The following ALDH1L2 variants were observed in gnomAD, a reference collection of about 807,000 sequenced individuals.
ALDH1L2 encodes aldehyde dehydrogenase 1 family member L2, also known as mitochondrial 10-formyltetrahydrofolate dehydrogenase.
Under a neutral mutation model 111.0 loss-of-function variants are expected in ALDH1L2, and 91 were observed. The observed-to-expected ratio is 0.82, with a 90% confidence interval of 0.69 to 0.98. ALDH1L2 has a LOEUF of 0.98. Ranked by LOEUF, ALDH1L2 falls within the 50% of genes least tolerant of loss-of-function variation. The pLI, the probability that ALDH1L2 is intolerant of heterozygous loss-of-function variation, is 0.00. For missense variants in ALDH1L2, 995 were observed against 1,126.8 expected, an observed-to-expected ratio of 0.88 and a Z score of 1.67; for synonymous variants, 374 against 392.6, an observed-to-expected ratio of 0.95 and a Z score of 0.56.
chr12:105,040,321 C>T (rs1875456281), intron 16 of ALDH1L2, among the ~76,000 whole-genome samples: 1 of 151,930 alleles, frequency 6.6e-6, no homozygotes, highest in South Asian at 2.1e-4. Flanking sequence ...GATGGGTAAG[C>T]CTTGATTTTT....
intron 18 of ALDH1L2, 104 bp from the exon 19 acceptor site, chr12:105,034,502 A>G (rs1377370533): frequency 3.3e-6 from 3 of 919,188 alleles, no homozygotes; most frequent in Non-Finnish European, 5.0e-6. Flanking sequence ...GACAGCAGGC[A>G]ATATAGATAA....
chr12:105,040,611 GC>G lies in ALDH1L2; in HGVS notation c.1946del (p.Gly649AlafsTer5), dbSNP rs757963707. 6.2e-7 allele frequency: 1 copy of G among 1,614,054 alleles called. No homozygotes were observed. The highest frequency in any genetic ancestry group is 1.7e-5 in the Admixed American group (1 of 60,012). ...FPKGVINIIP[G>X]SGGIAGQRLS... is the part of the protein sequence containing the mutation. The stretch of plus-strand genomic sequence containing the variant: ...GTCGGTCATTTAGTGGCTTACCTGA[GC>G]CTGGAATGATGTTGATGACCCCCTT... On this transcript the variant is annotated frameshift_variant, in exon 16 of 23. Coordinates refer to ENST00000258494, the MANE Select transcript of ALDH1L2 (RefSeq NM_001034173.4). LOFTEE classifies it high-confidence loss of function.
In ALDH1L2 at chr12:105,039,882, G is replaced by A. The variant is rs562952049; in HGVS notation, c.1952-76C>T. 330 of 1,314,144 alleles carry A rather than the reference G, an allele frequency of 2.5e-4. 3 individuals carry two copies. The South Asian group carries it at 3.3e-3, about 13-fold the overall frequency. 81.4% of individuals were successfully genotyped at this position (1,314,144 alleles called of 1,614,324 possible). A position where few individuals can be genotyped will look rare whatever the true frequency, so the allele number is the denominator to read the frequency against. On this transcript the variant is annotated intron_variant, in intron 16 of 22. Coordinates refer to ENST00000258494, the MANE Select transcript of ALDH1L2 (RefSeq NM_001034173.4). The stretch of plus-strand genomic sequence containing the variant: ...GCGGTGGCTTACGCCTGTAATCCCC[G>A]CACTTTGGGAGGCTGAGGCAAGCAG...
In ALDH1L2 at chr12:105,030,409, C is replaced by T. The variant is rs949861021; in HGVS notation, c.2431G>A (p.Val811Met). Residue 811 changes from valine to methionine, a missense_variant, in exon 21 of 23, where the codon GTG becomes ATG. Coordinates refer to ENST00000258494, the MANE Select transcript of ALDH1L2 (RefSeq NM_001034173.4). ...QRPGFFMEPT[V>M]FTDVEDYMYL... The stretch of plus-strand genomic sequence containing the variant: ...ATGTAGTCTTCCACATCTGTGAACA[C>T]GGTCGGCTCCATGAAAAAGCCTTTT... 34 of 1,606,024 alleles carry T rather than the reference C, an allele frequency of 2.1e-5. No individual in the cohort carries two copies. The East Asian group carries it at 2.2e-4, about 11-fold the overall frequency.
At chr12:105,053,050 G>A (rs1185197978) in intron 10 of ALDH1L2, 119 bp from the exon 11 acceptor site, 8 of 1,259,960 alleles carry the variant, frequency 6.3e-6, no homozygotes, top group African/African-American at 2.9e-5. Flanking sequence ...TTCTAGTTCC[G>A]ACTGTACAGA....
intron 1 of ALDH1L2, among the ~76,000 whole-genome samples, chr12:105,076,856 A>G (rs1306261160): frequency 7.2e-5 from 11 of 152,242 alleles, no homozygotes; most frequent in Non-Finnish European, 1.3e-4. Context: ...AGTATTTATC[A>G]AATGCTTATT....
At chr12:105,028,269 C>A (rs558877178) in intron 21 of ALDH1L2, among the ~76,000 whole-genome samples, 1 of 152,298 alleles carries the variant, frequency 6.6e-6, no homozygotes, top group Admixed American at 6.5e-5. Flanking sequence ...TGCCACCACA[C>A]CCAGATAATT....
intron 18 of ALDH1L2, 143 bp downstream of exon 18, chr12:105,037,960 T>G: frequency 5.3e-6 from 3 of 561,092 alleles, no homozygotes; most frequent in Non-Finnish European, 6.2e-6. Context: ...AGAGACGGGG[T>G]TTCACCATGT....
intron 10 of ALDH1L2, 122 bp from the exon 11 acceptor site, chr12:105,053,053 T>C (rs11112347): frequency 0.44 from 522,973 of 1,188,702 alleles, 119,201 homozygotes; most frequent in Middle Eastern, 0.57. Flanking sequence ...TAGTTCCGAC[T>C]GTACAGAAGA....
chr12:105,079,211 C>CTGGAATAATG (rs1555228620), intron 1 of ALDH1L2, among the ~76,000 whole-genome samples: 5 of 152,148 alleles, frequency 3.3e-5, no homozygotes, highest in African/African-American at 1.2e-4. Context: ...AGGATATAGT[C>CTGGAATAATG]TGGAATAGTG....
chr12:105,036,292 ATTATATATATACGTATAT>A (rs1161677955), intron 18 of ALDH1L2, among the ~76,000 whole-genome samples: 8 of 67,204 alleles, frequency 1.2e-4, no homozygotes, highest in Non-Finnish European at 2.1e-4. Context: ...ATGTGTATAT[ATTATATATATACGTATAT>A]TTATATATGT....
chr12:105,030,510 A>G, intron 20 of ALDH1L2, 81 bp from the exon 21 acceptor site: 1 of 1,220,508 alleles, frequency 8.2e-7, no homozygotes, highest in Non-Finnish European at 1.1e-6. Flanking sequence ...TAATTACATT[A>G]TAATTTTTTC....
rs114840742 is a variant in ALDH1L2, at chr12:105,075,827, C to G, written c.49-1822G>C. Among the ~76,000 whole-genome samples, 677 of 152,142 alleles carry G rather than the reference C, an allele frequency of 4.4e-3. 9 individuals carry two copies. Among genetic ancestry groups the G allele is most frequent in the African/African-American group, 0.015 (638 of 41,490 alleles). On this transcript the variant is annotated intron_variant, in intron 1 of 22. Transcript: ENST00000258494. ...AGACAGGGTTTCACTCCATGGTCAC[C>G]CAGGCTGGAGTGAAGTGGTGCAATC...
chr12:105,069,159 G>A (rs111510406), intron 3 of ALDH1L2, among the ~76,000 whole-genome samples: 7 of 152,076 alleles, frequency 4.6e-5, no homozygotes, highest in Non-Finnish European at 8.8e-5. Flanking sequence ...AGAGTCTATC[G>A]TTACTACCAC....
Position 105,068,711 on chromosome 12 carries a change from A to G in ALDH1L2, c.594+8T>C. 1 of 1,471,570 alleles carries G rather than the reference A, an allele frequency of 6.8e-7. No individual in the cohort carries two copies. Among genetic ancestry groups the G allele is most frequent in the East Asian group, 2.5e-5 (1 of 39,718 alleles). The allele number at this position is 1,471,570 out of a possible 1,614,324, so 91.2% of individuals were successfully genotyped here. ...TTTACTAAATTCTGGGTGGCAAAAT[A>G]TACTAACCATGGCCTTGATTCCTTC... On this transcript the variant is annotated splice_region_variant and intron_variant, in intron 4 of 22. Coordinates refer to ENST00000258494, the MANE Select transcript of ALDH1L2 (RefSeq NM_001034173.4).
At chr12:105,066,012 C>G (rs1877331460) in intron 5 of ALDH1L2, among the ~76,000 whole-genome samples, 2 of 152,098 alleles carry the variant, frequency 1.3e-5, no homozygotes, top group East Asian at 3.9e-4. Flanking sequence ...AGGGGTCTCA[C>G]TGTGTTGGCC....
At chr12:105,046,207 ATATATATATATATATTT>A (rs1875871919) in intron 15 of ALDH1L2, among the ~76,000 whole-genome samples, 4 of 46,624 alleles carry the variant, frequency 8.6e-5, no homozygotes, top group East Asian at 1.2e-3. Flanking sequence ...ATATATATAT[ATATATATATATATATTT>A]TTTTTTTTTT....
chr12:105,038,121 A>G lies in ALDH1L2; in HGVS notation c.2127T>C (p.Leu709=). 6.2e-7 allele frequency: 1 copy of G among 1,613,476 alleles called. No homozygotes were observed. Among genetic ancestry groups the G allele is most frequent in the Non-Finnish European group, 8.5e-7 (1 of 1,179,610 alleles). ...CTCTTACCATTCGCACAGCCTTGTC[A>G]AGTTCACAGTCATTAAATATTATAA... ...SPLIIFNDCE[L]DKAVRMGMGA... is the part of the protein sequence containing the mutation. The change falls in exon 18 of 23, where the codon CTT becomes CTC. Residue 709 remains leucine (L), a synonymous_variant. Coordinates refer to ENST00000258494, the MANE Select transcript of ALDH1L2 (RefSeq NM_001034173.4).
Position 105,046,164 on chromosome 12 carries a change from T to C in ALDH1L2, c.1863+546A>G, listed in dbSNP as rs1401259121. On this transcript the variant is annotated intron_variant, in intron 15 of 22. Transcript: ENST00000258494. The stretch of plus-strand genomic sequence containing the variant: ...CTTCTACATCTTCTCTCTCTCTCTC[T>C]CTCTCTCTCTCTCTCTCTCTCTCTC... Among the ~76,000 whole-genome samples, 45 of 25,048 alleles carry C rather than the reference T, an allele frequency of 1.8e-3. 1 individual carries two copies. The highest frequency in any genetic ancestry group is 9.1e-3 in the African/African-American group (45 of 4,928). 16.4% of individuals were successfully genotyped at this position (25,048 alleles called of 152,430 possible).
Sources: gnomAD v4.1 joint callset for allele counts (sites outside exome capture counted in the v4.1 genomes callset) on GRCh38, gnomAD v4.1.1 for gene constraint, MANE v1.5 for transcripts, NCBI Gene and HGNC (gene_info 2026-07-23, HGNC 2026-07-21) for gene names.